Variants in LONP2 observed in about 807,000 individuals in gnomAD.
LONP2 encodes lon protease homolog 2, peroxisomal.
Under a neutral mutation model 85.6 loss-of-function variants are expected in LONP2, and 60 were observed. That is an observed-to-expected ratio of 0.70 (90% confidence interval 0.57 to 0.87). LONP2 has a LOEUF of 0.87. Ranked by LOEUF, LONP2 falls within the 40% of genes least tolerant of loss-of-function variation. The pLI is 0.00. For missense variants in LONP2, 860 were observed against 1,063.5 expected (o/e 0.81, Z 2.66); for synonymous variants, 395 against 389.7 (o/e 1.01, Z -0.16).
Position 48,351,723 on chromosome 16 carries a change from T to G in LONP2, c.2480T>G (p.Leu827Arg), listed in dbSNP as rs2151035895. The change falls in exon 15 of 15, where the codon CTG (leucine) becomes CGG (arginine). Residue 827 changes from leucine to arginine, a missense_variant. Transcript: ENST00000285737. ...QDLSFVTASC[L>R]DEVLNAAFDG... ...TTAAGTTTTGTCACAGCAAGCTGCCTGGATGAGGTTCTTAATGCAGCTTTT... is the reference window on the plus strand; with the variant it reads ...TTAAGTTTTGTCACAGCAAGCTGCCGGGATGAGGTTCTTAATGCAGCTTTT... 1.2e-6 allele frequency: 2 copies of G among 1,614,206 alleles called. No homozygotes were observed. Among genetic ancestry groups the G allele is most frequent in the East Asian group, 4.5e-5 (2 of 44,878 alleles).
intron 11 of LONP2, among the ~76,000 whole-genome samples, chr16:48,329,303 G>A (rs969131807): frequency 4.6e-5 from 7 of 152,030 alleles, no homozygotes; most frequent in South Asian, 2.1e-4. Flanking sequence ...ATGAAATGTC[G>A]AGCCATCCTG....
chr16:48,264,559 T>A (rs979554129), intron 6 of LONP2, among the ~76,000 whole-genome samples: 1 of 152,198 alleles, frequency 6.6e-6, no homozygotes, highest in African/African-American at 2.4e-5. Context: ...ACACACATGC[T>A]GTACAATTTG....
chr16:48,299,453 A>AT (rs1972753014), intron 9 of LONP2, among the ~76,000 whole-genome samples: 1 of 151,830 alleles, frequency 6.6e-6, no homozygotes, highest in South Asian at 2.1e-4. Context: ...GTGGTTGTGC[A>AT]TGCCTGTAAT....
chr16:48,324,062 A>G (rs979659063), intron 11 of LONP2, among the ~76,000 whole-genome samples: 1 of 152,244 alleles, frequency 6.6e-6, no homozygotes, highest in Non-Finnish European at 1.5e-5. Flanking sequence ...CGAATTATAC[A>G]GTTGGAAATA....
At chr16:48,283,374 A>T (rs1034724305) in intron 8 of LONP2, among the ~76,000 whole-genome samples, 1 of 152,182 alleles carries the variant, frequency 6.6e-6, no homozygotes, top group Admixed American at 6.5e-5. Flanking sequence ...TAGGACTTTC[A>T]TGGCTAGAGA....
Position 48,271,721 on chromosome 16 carries a change from A to T in LONP2, c.1241+1447A>T, listed in dbSNP as rs55886621. Among the ~76,000 whole-genome samples, 5 of 152,270 alleles carry T rather than the reference A, an allele frequency of 3.3e-5. No individual in the cohort carries two copies. In the East Asian group the frequency reaches 5.8e-4, roughly 18 times the overall value. On this transcript the variant is annotated intron_variant, in intron 7 of 14. Coordinates refer to ENST00000285737, the MANE Select transcript of LONP2 (RefSeq NM_031490.5). The stretch of plus-strand genomic sequence containing the variant: ...ACTTGGTGACACCCCATCTCTAAAA[A>T]AATAATAATAATAAATTTTAAAAAA...
chr16:48,348,252 A>T lies in LONP2; in HGVS notation c.2299A>T (p.Met767Leu). 1 of 1,568,172 alleles carries T rather than the reference A, an allele frequency of 6.4e-7. No homozygotes were observed. Among genetic ancestry groups the T allele is most frequent in the Non-Finnish European group, 8.6e-7 (1 of 1,159,554 alleles). ...GCGGCTGGTACGTTCAGATGTAGCCATGACTGGAGAAATTACACTGAGAGG... is the reference window on the plus strand; with the variant it reads ...GCGGCTGGTACGTTCAGATGTAGCCTTGACTGGAGAAATTACACTGAGAGG... Reference protein sequence around the residue: ...SGRLVRSDVAMTGEITLRGLV... With the variant: ...SGRLVRSDVALTGEITLRGLV... The change falls in exon 14 of 15, where the codon ATG (methionine) becomes TTG (leucine). Residue 767 changes from methionine to leucine, a missense_variant. Met to Leu is a conservative substitution (Grantham distance 15). Coordinates refer to ENST00000285737, the MANE Select transcript of LONP2 (RefSeq NM_031490.5).
intron 12 of LONP2, chr16:48,334,673 A>C: frequency 1.7e-6 from 1 of 584,000 alleles, no homozygotes; most frequent in Non-Finnish European, 3.3e-6. Flanking sequence ...CTCTTTCTGG[A>C]TGTTGTAGTC....
chr16:48,325,151 A>G (rs1042508639), intron 11 of LONP2, among the ~76,000 whole-genome samples: 5 of 152,112 alleles, frequency 3.3e-5, no homozygotes, highest in African/African-American at 1.2e-4. Flanking sequence ...CACCCACCCT[A>G]CATCCCTCAC....
chr16:48,331,832 G>A (rs906975294), intron 11 of LONP2, among the ~76,000 whole-genome samples: 1 of 152,230 alleles, frequency 6.6e-6, no homozygotes, highest in Non-Finnish European at 1.5e-5. Flanking sequence ...CCAAAGTGCT[G>A]GGATTACAGG....
At chr16:48,293,695 G>A (rs762491035) in intron 8 of LONP2, among the ~76,000 whole-genome samples, 16 of 152,194 alleles carry the variant, frequency 1.1e-4, no homozygotes, top group East Asian at 1.9e-4. Context: ...AAGATACTGG[G>A]TTAGAAGTGA....
In LONP2 at chr16:48,355,238, A is replaced by C. The variant is rs963837514; in HGVS notation, c.*3436A>C. On this transcript the variant is annotated 3_prime_UTR_variant, in exon 15 of 15. Coordinates refer to ENST00000285737, the MANE Select transcript of LONP2 (RefSeq NM_031490.5). Reference sequence around the variant, plus strand: ...AATTCGTATGTTGAAGCAACCACCAACGTGATAGGTGAGGCTTTAGGAGGT... The same window carrying C: ...AATTCGTATGTTGAAGCAACCACCACCGTGATAGGTGAGGCTTTAGGAGGT... 3.3e-5 allele frequency: 5 copies of C among 152,074 alleles called. No homozygotes were observed. The highest frequency in any genetic ancestry group is 5.9e-5 in the Non-Finnish European group (4 of 68,012). The allele number at this position is 152,074 out of a possible 1,614,324, so 9.4% of individuals were successfully genotyped here.
intron 14 of LONP2, among the ~76,000 whole-genome samples, chr16:48,350,604 T>A (rs1434894154): frequency 1.3e-5 from 2 of 152,216 alleles, no homozygotes; most frequent in Non-Finnish European, 2.9e-5. Context: ...CGGGAAGGCC[T>A]GGAGCAGCCA....
intron 6 of LONP2, among the ~76,000 whole-genome samples, chr16:48,264,579 C>T (rs938174030): frequency 3.9e-5 from 6 of 152,134 alleles, no homozygotes; most frequent in Non-Finnish European, 5.9e-5. Context: ...GTGCAGTTAA[C>T]GCAATTATCA....
chr16:48,260,890 A>G (rs924680190), intron 4 of LONP2, among the ~76,000 whole-genome samples: 1 of 152,348 alleles, frequency 6.6e-6, no homozygotes. Context: ...CTTCACAAGA[A>G]AGGAAGTAAA....
intron 11 of LONP2, among the ~76,000 whole-genome samples, chr16:48,333,668 G>C (rs1178742595): frequency 2.0e-5 from 3 of 151,462 alleles, no homozygotes; most frequent in Non-Finnish European, 4.4e-5. Flanking sequence ...AAAAGTGTTG[G>C]GGGGAGAGAG....
At chr16:48,337,806 C>T (rs1959699270) in intron 12 of LONP2, among the ~76,000 whole-genome samples, 1 of 152,044 alleles carries the variant, frequency 6.6e-6, no homozygotes. Flanking sequence ...TATAAGATAC[C>T]TTTCATTTGT....
intron 12 of LONP2, 68 bp downstream of exon 12, chr16:48,334,426 C>T: frequency 1.9e-6 from 3 of 1,592,026 alleles, no homozygotes; most frequent in Non-Finnish European, 2.6e-6. Flanking sequence ...GGCCCCAGGG[C>T]CGTAGGGCCT....
intron 11 of LONP2, among the ~76,000 whole-genome samples, chr16:48,315,700 A>G (rs1282607385): frequency 6.6e-6 from 1 of 150,830 alleles, no homozygotes; most frequent in Non-Finnish European, 1.5e-5. Context: ...GAATTTGTAT[A>G]CTCTTTTATT....
Sources: allele counts gnomAD v4.1 joint callset (sites outside exome capture counted in the v4.1 genomes callset), GRCh38; gene constraint gnomAD v4.1.1; transcripts MANE v1.5; gene names NCBI Gene and HGNC (gene_info 2026-07-23, HGNC 2026-07-21).